Variants in IL1RAPL1 observed in about 807,000 individuals in gnomAD.
IL1RAPL1 encodes interleukin-1 receptor accessory protein-like 1.
A neutral mutation model predicts 48.4 loss-of-function variants in IL1RAPL1; 3 were observed. The observed-to-expected ratio is 0.06, with a 90% CI of 0.03 to 0.16. The LOEUF is 0.16. IL1RAPL1 is among the 10% of genes least tolerant of loss of function. The pLI is 1.00. For synonymous variants in IL1RAPL1, 185 were observed against 187.7 expected, an observed-to-expected ratio of 0.99 and a Z score of 0.12; for missense variants, 349 against 530.6, an observed-to-expected ratio of 0.66 and a Z score of 3.36.
intron 2 of IL1RAPL1, among the ~76,000 whole-genome samples, chrX:29,141,816 C>G (rs1042693050): frequency 2.7e-5 from 3 of 111,603 alleles, no homozygotes; most frequent in African/African-American, 9.7e-5. Context: ...AAAAAAGGAC[C>G]AATTTCTTTG....
At chrX:29,648,405 T>A (rs1189940915) in intron 5 of IL1RAPL1, among the ~76,000 whole-genome samples, 1 of 111,841 alleles carries the variant, frequency 8.9e-6, no homozygotes, top group African/African-American at 3.2e-5. Context: ...ACAGGTGTTA[T>A]CCAGCTTTAG....
At chrX:29,560,157 G>T (rs1922140341) in intron 5 of IL1RAPL1, among the ~76,000 whole-genome samples, 1 of 111,484 alleles carries the variant, frequency 9.0e-6, no homozygotes, top group Admixed American at 9.5e-5. Flanking sequence ...GAATTGCTTT[G>T]CTGGCATAGT....
chrX:29,875,149 C>T (rs1377529219), intron 6 of IL1RAPL1, among the ~76,000 whole-genome samples: 2 of 111,610 alleles, frequency 1.8e-5, no homozygotes, highest in Non-Finnish European at 3.8e-5. Context: ...ACACTACTGC[C>T]TGTCAGTGAT....
Position 29,752,080 on chromosome X carries a change from G to GTATATA in IL1RAPL1, c.778+83595_778+83600dup, listed in dbSNP as rs757287803. On this transcript the variant is annotated intron_variant, in intron 6 of 10. Coordinates refer to ENST00000378993, the MANE Select transcript of IL1RAPL1 (RefSeq NM_014271.4). ...TATATATGTATATATATGTGTGTAT[G>GTATATA]TATATATATATATATATATATATAC... Among the ~76,000 whole-genome samples, 229 of 85,303 alleles carry GTATATA rather than the reference G, an allele frequency of 2.7e-3. 1 individual carries two copies. Among genetic ancestry groups the GTATATA allele is most frequent in the African/African-American group, 8.4e-3 (203 of 24,050 alleles). 74.1% of individuals were successfully genotyped at this position (85,303 alleles called of 115,157 possible). A position where few individuals can be genotyped will look rare whatever the true frequency, so the allele number is the denominator to read the frequency against.
At chrX:29,142,024 G>T (rs1026311041) in intron 2 of IL1RAPL1, among the ~76,000 whole-genome samples, 34 of 111,053 alleles carry the variant, frequency 3.1e-4, no homozygotes, top group Admixed American at 3.8e-4. Flanking sequence ...TCTTACTCTT[G>T]TGTGACTTCT....
At chrX:29,066,941 G>A (rs1298860405) in intron 2 of IL1RAPL1, among the ~76,000 whole-genome samples, 1 of 111,539 alleles carries the variant, frequency 9.0e-6, no homozygotes, top group African/African-American at 3.3e-5. Flanking sequence ...TGTCCAGATT[G>A]GAGCTTCCAT....
At chrX:28,676,589 T>C (rs1163711313) in intron 1 of IL1RAPL1, among the ~76,000 whole-genome samples, 1 of 110,025 alleles carries the variant, frequency 9.1e-6, no homozygotes, top group Non-Finnish European at 1.9e-5. Context: ...AAAAGTTAAC[T>C]GGGCATGGTG....
At chrX:29,243,213 T>G (rs1230658722) in intron 2 of IL1RAPL1, among the ~76,000 whole-genome samples, 1 of 112,550 alleles carries the variant, frequency 8.9e-6, no homozygotes, top group Non-Finnish European at 1.9e-5. Flanking sequence ...CCCTTCATTT[T>G]GCGTTCATGC....
At chrX:28,922,719 T>C (rs1923644804) in intron 2 of IL1RAPL1, among the ~76,000 whole-genome samples, 1 of 112,013 alleles carries the variant, frequency 8.9e-6, no homozygotes, top group Non-Finnish European at 1.9e-5. Context: ...AAGACAAATA[T>C]CAAAGAATTA....
intron 2 of IL1RAPL1, among the ~76,000 whole-genome samples, chrX:29,099,229 G>C (rs928651178): frequency 2.7e-5 from 3 of 111,939 alleles, no homozygotes; most frequent in African/African-American, 9.7e-5. Context: ...TTTTTAATCA[G>C]TAGGTCTTGC....
At chrX:28,936,021 A>G (rs188693831) in intron 2 of IL1RAPL1, among the ~76,000 whole-genome samples, 4 of 111,756 alleles carry the variant, frequency 3.6e-5, no homozygotes, top group Admixed American at 9.6e-5. Context: ...TTAGGCAAAT[A>G]TAGGTCACTG....
At chrX:28,810,536 A>G (rs1421432134) in intron 2 of IL1RAPL1, among the ~76,000 whole-genome samples, 1 of 111,110 alleles carries the variant, frequency 9.0e-6, no homozygotes, top group African/African-American at 3.3e-5. Flanking sequence ...AAAGCATAGA[A>G]TGGTGGGTAG....
chrX:28,748,807 CT>C (rs1936007974), intron 1 of IL1RAPL1, among the ~76,000 whole-genome samples: 1 of 111,188 alleles, frequency 9.0e-6, no homozygotes, highest in South Asian at 3.8e-4. Flanking sequence ...CATTACAAAC[CT>C]TCTTCTAGCT....
chrX:29,595,031 G>T (rs1471123760), intron 5 of IL1RAPL1, among the ~76,000 whole-genome samples: 1 of 111,962 alleles, frequency 8.9e-6, no homozygotes, highest in Non-Finnish European at 1.9e-5. Flanking sequence ...ACAGTCTCCA[G>T]TTCCACCCAG....
chrX:29,001,032 A>G (rs993348021), intron 2 of IL1RAPL1, among the ~76,000 whole-genome samples: 2 of 108,713 alleles, frequency 1.8e-5, no homozygotes, highest in Admixed American at 2.0e-4. Context: ...AAATTCATCT[A>G]TTACTCTCAC....
At chrX:28,853,965 A>G (rs1474274691) in intron 2 of IL1RAPL1, among the ~76,000 whole-genome samples, 1 of 111,713 alleles carries the variant, frequency 9.0e-6, no homozygotes, top group Non-Finnish European at 1.9e-5. Context: ...AGGCAATGGA[A>G]GGGCACAAAC....
chrX:29,560,354 T>C (rs1480410733), intron 5 of IL1RAPL1, among the ~76,000 whole-genome samples: 1 of 112,176 alleles, frequency 8.9e-6, no homozygotes, highest in Non-Finnish European at 1.9e-5. Context: ...AATGTCTTGA[T>C]GTAATCTTTG....
intron 6 of IL1RAPL1, among the ~76,000 whole-genome samples, chrX:29,896,814 G>GCAAGT (rs10683215): frequency 0.04 from 4,460 of 112,158 alleles, 218 homozygotes; most frequent in African/African-American, 0.14. Flanking sequence ...TGTCAATGAG[G>GCAAGT]CAAGTCAGCA....
chrX:29,325,351 A>T (rs990403836), intron 3 of IL1RAPL1, among the ~76,000 whole-genome samples: 5 of 112,255 alleles, frequency 4.5e-5, no homozygotes, highest in African/African-American at 1.6e-4. Flanking sequence ...GAAGGCTTTC[A>T]CGTCTTCATT....
Sources: allele counts gnomAD v4.1 joint callset (sites outside exome capture counted in the v4.1 genomes callset), GRCh38; gene constraint gnomAD v4.1.1; transcripts MANE v1.5; gene names NCBI Gene and HGNC (gene_info 2026-07-23, HGNC 2026-07-21).